The following FAM20C variants were observed in gnomAD, a reference collection of about 807,000 sequenced individuals.
The protein encoded by FAM20C is extracellular serine/threonine protein kinase FAM20C.
FAM20C carries 40 observed loss-of-function variants against 51.5 expected under a neutral mutation model. The ratio of observed to expected loss-of-function variants is 0.78; its 90% CI spans 0.60 to 1.01. The LOEUF is 1.01. FAM20C is among the 50% of genes least tolerant of loss of function. The pLI, the probability that FAM20C is intolerant of heterozygous loss-of-function variation, is 0.00. For synonymous variants in FAM20C, 406 were observed against 380.6 expected, an observed-to-expected ratio of 1.07 and a Z score of -0.78; for missense variants, 861 against 844.7, an observed-to-expected ratio of 1.02 and a Z score of -0.24.
chr7:258,763 C>T, intron 9 of FAM20C, 58 bp downstream of exon 9: 3 of 1,454,902 alleles, frequency 2.1e-6, no homozygotes, highest in Non-Finnish European at 2.8e-6. Context: ...GCGCAGGAGA[C>T]AGAGGAGGCC....
chr7:229,123 C>T (rs1562384463), intron 3 of FAM20C: 1 of 337,322 alleles, frequency 3.0e-6, no homozygotes, highest in African/African-American at 2.2e-5. Context: ...AGGGGCCCTT[C>T]ACGTCCAGAT....
intron 2 of FAM20C, among the ~76,000 whole-genome samples, chr7:200,115 G>A (rs575680902): frequency 6.6e-6 from 1 of 152,358 alleles, no homozygotes; most frequent in East Asian, 1.9e-4. Flanking sequence ...GCCCACGAGA[G>A]GGAGCTGCCT....
intron 3 of FAM20C, among the ~76,000 whole-genome samples, chr7:215,326 G>GA (rs1786918180): frequency 2.5e-4 from 1 of 4,008 alleles, no homozygotes; most frequent in Non-Finnish European, 4.4e-4. Context: ...GGGTGGGGGG[G>GA]GCAGGGCCCG....
intron 3 of FAM20C, among the ~76,000 whole-genome samples, chr7:232,748 C>T (rs900949196): frequency 6.6e-6 from 1 of 152,244 alleles, no homozygotes; most frequent in African/African-American, 2.4e-5. Flanking sequence ...GAATGCCTAG[C>T]GCCGCGGCTG....
At chr7:258,412 G>GC (rs1467510985) in intron 8 of FAM20C, among the ~76,000 whole-genome samples, 1 of 85,050 alleles carries the variant, frequency 1.2e-5, no homozygotes, top group Non-Finnish European at 2.9e-5. Context: ...CTGGAGATGG[G>GC]TGGGGTGGAC....
At chr7:228,415 TGAG>T (rs759049788) in intron 3 of FAM20C, 30 of 455,356 alleles carry the variant, frequency 6.6e-5, no homozygotes, top group African/African-American at 1.0e-4. Flanking sequence ...TCTGCTGGGT[TGAG>T]GAGACCCCCA....
At chr7:212,517 C>G (rs776882682) in intron 3 of FAM20C, among the ~76,000 whole-genome samples, 1 of 152,150 alleles carries the variant, frequency 6.6e-6, no homozygotes, top group Non-Finnish European at 1.5e-5. Flanking sequence ...CATCACGGCT[C>G]GGTGAGTTCC....
At chr7:200,518 G>A (rs1022383596) in intron 2 of FAM20C, among the ~76,000 whole-genome samples, 3 of 152,190 alleles carry the variant, frequency 2.0e-5, no homozygotes, top group Admixed American at 6.5e-5. Flanking sequence ...CCCAGGCACC[G>A]GCCTCCCCGT....
At chr7:258,842 G>A (rs930101899) in intron 9 of FAM20C, 137 bp downstream of exon 9, 11 of 860,762 alleles carry the variant, frequency 1.3e-5, no homozygotes, top group African/African-American at 6.9e-5. Flanking sequence ...CCACAGCCCT[G>A]AATTCAACCC....
chr7:207,542 G>T (rs1423238575), intron 2 of FAM20C, among the ~76,000 whole-genome samples: 3 of 152,186 alleles, frequency 2.0e-5, no homozygotes, highest in African/African-American at 7.2e-5. Context: ...GCTGCGCCCA[G>T]GGCCCCCGCC....
chr7:204,187 T>G (rs2115055908), intron 2 of FAM20C, among the ~76,000 whole-genome samples: 1 of 152,358 alleles, frequency 6.6e-6, no homozygotes, highest in South Asian at 2.1e-4. Context: ...CTTTGCTTAC[T>G]GGTAAAATCA....
At position 246,414 on chromosome 7, in the gene FAM20C, G is replaced by T; in HGVS notation, c.864-1G>T. The T allele has an allele frequency of 7.2e-7, 1 of 1,381,116 alleles. No individual in the cohort carries two copies. The highest frequency in any genetic ancestry group is 1.2e-5 in the South Asian group (1 of 81,070). 85.6% of individuals were successfully genotyped at this position (1,381,116 alleles called of 1,614,324 possible). On this transcript the variant is annotated splice_acceptor_variant, in intron 3 of 9. Coordinates refer to ENST00000313766, the MANE Select transcript of FAM20C (RefSeq NM_020223.4). LOFTEE classifies it high-confidence loss of function. The stretch of plus-strand genomic sequence containing the variant: ...TTTCTGTTTCTGTCTTGTTTTCTCA[G>T]ACAAACGAGGGAGCAGGAGACACCC...
intron 3 of FAM20C, among the ~76,000 whole-genome samples, chr7:214,331 A>G (rs1786864724): frequency 6.6e-6 from 1 of 152,354 alleles, no homozygotes; most frequent in South Asian, 2.1e-4. Context: ...GTCTCAAAAA[A>G]AAAAAAATCT....
intron 3 of FAM20C, among the ~76,000 whole-genome samples, chr7:216,954 A>G (rs1320879468): frequency 1.3e-5 from 2 of 152,086 alleles, no homozygotes; most frequent in African/African-American, 4.8e-5. Flanking sequence ...AATTAAAGGC[A>G]GGAGCGGGGG....
At chr7:247,343 G>A (rs968701308) in intron 4 of FAM20C, among the ~76,000 whole-genome samples, 7 of 152,182 alleles carry the variant, frequency 4.6e-5, no homozygotes, top group African/African-American at 1.2e-4. Flanking sequence ...CCTTGCCCTG[G>A]TGCAGTGGAG....
At chr7:214,739 C>G (rs1786880580) in intron 3 of FAM20C, among the ~76,000 whole-genome samples, 2 of 152,186 alleles carry the variant, frequency 1.3e-5, no homozygotes, top group African/African-American at 4.8e-5. Flanking sequence ...CACTGGCTTT[C>G]CAGCTTGGAG....
chr7:228,117 G>GGGA (rs1787514470), intron 3 of FAM20C: 2 of 269,018 alleles, frequency 7.4e-6, no homozygotes, highest in South Asian at 8.7e-5. Context: ...GGGACGGCGG[G>GGGA]CTCAGTCAGG....
rs1785695095 is a variant in FAM20C, at chr7:193,603, C to G, written c.404C>G (p.Ala135Gly). ...DPGALRPHDP[A>G]HRPLLRDPGP... ...GGCGCCCTAAGACCCCACGACCCCGCGCACCGGCCGCTGCTGCGAGACCCC... is the reference window on the plus strand; with the variant it reads ...GGCGCCCTAAGACCCCACGACCCCGGGCACCGGCCGCTGCTGCGAGACCCC... Residue 135 changes from alanine to glycine, a missense_variant, in exon 1 of 10, where the codon GCG becomes GGG. Physicochemically the swap from Ala to Gly is moderately conservative, Grantham distance 60 (BLOSUM62 0). This residue lies in a region of FAM20C where 561 missense variants were observed against 499.8 expected (regional missense o/e 1.12). Coordinates refer to ENST00000313766, the MANE Select transcript of FAM20C (RefSeq NM_020223.4). 1.3e-6 allele frequency: 2 copies of G among 1,536,648 alleles called. No homozygotes were observed. Among genetic ancestry groups the G allele is most frequent in the Non-Finnish European group, 1.8e-6 (2 of 1,141,802 alleles).
At chr7:256,571 T>C (rs1350559934) in intron 6 of FAM20C, 83 bp from the exon 7 acceptor site, 2 of 1,127,508 alleles carry the variant, frequency 1.8e-6, no homozygotes, top group Admixed American at 2.0e-5. Context: ...CCTGCCGCAG[T>C]GTTTCTCTTC....
Sources: allele counts gnomAD v4.1 joint callset (sites outside exome capture counted in the v4.1 genomes callset), GRCh38; gene constraint gnomAD v4.1.1; regional missense constraint gnomAD v4.1.1; transcripts MANE v1.5; gene names NCBI Gene and HGNC (gene_info 2026-07-23, HGNC 2026-07-21).